NELL1: variants seen among roughly 807,000 people sequenced by gnomAD.
The protein encoded by NELL1 is neural EGFL like 1.
Under a neutral mutation model 107.4 loss-of-function variants are expected in NELL1, and 76 were observed. The observed-to-expected ratio is 0.71, with a 90% CI of 0.59 to 0.86. The LOEUF is 0.86. NELL1 is among the 40% of genes least tolerant of loss of function. The probability of loss-of-function intolerance (pLI) is 0.00; values close to 1 mark genes in which losing one functional copy is unlikely to be tolerated. For synonymous variants in NELL1, 353 were observed against 341.2 expected, an observed-to-expected ratio of 1.03 and a Z score of -0.38; for missense variants, 1,024 against 1,005.5, an observed-to-expected ratio of 1.02 and a Z score of -0.25.
At chr11:20,908,816 C>T (rs1418036794) in intron 5 of NELL1, among the ~76,000 whole-genome samples, 3 of 152,168 alleles carry the variant, frequency 2.0e-5, no homozygotes, top group African/African-American at 7.2e-5. Flanking sequence ...TCCAGCAATT[C>T]CTCTCCTAGG....
At chr11:20,825,127 G>A (rs940082892) in intron 3 of NELL1, among the ~76,000 whole-genome samples, 5 of 151,410 alleles carry the variant, frequency 3.3e-5, no homozygotes, top group Non-Finnish European at 5.9e-5. Flanking sequence ...AAAAATTGAT[G>A]TTTGGGAACC....
At chr11:21,453,960 G>A (rs1175602108) in intron 15 of NELL1, among the ~76,000 whole-genome samples, 1 of 149,222 alleles carries the variant, frequency 6.7e-6, no homozygotes, top group Non-Finnish European at 1.5e-5. Flanking sequence ...TAAGTTTTAG[G>A]GTACATGTGC....
At chr11:21,179,033 C>T (rs1021938330) in intron 13 of NELL1, among the ~76,000 whole-genome samples, 5 of 151,752 alleles carry the variant, frequency 3.3e-5, no homozygotes, top group East Asian at 3.9e-4. Flanking sequence ...AAAACTTTTT[C>T]GAATGACCTC....
At chr11:20,871,782 G>T (rs552260414) in intron 4 of NELL1, among the ~76,000 whole-genome samples, 1 of 151,914 alleles carries the variant, frequency 6.6e-6, no homozygotes, top group Non-Finnish European at 1.5e-5. Flanking sequence ...CACTTTGGGA[G>T]GCCGAGGCGG....
At chr11:21,211,964 T>G (rs1442191414) in intron 13 of NELL1, among the ~76,000 whole-genome samples, 1 of 152,078 alleles carries the variant, frequency 6.6e-6, no homozygotes, top group Non-Finnish European at 1.5e-5. Flanking sequence ...TAGCTGAGAT[T>G]ACAAGAGTAT....
At chr11:21,555,615 T>A (rs1426365582) in intron 16 of NELL1, among the ~76,000 whole-genome samples, 6 of 151,804 alleles carry the variant, frequency 4.0e-5, no homozygotes, top group Admixed American at 2.0e-4. Flanking sequence ...TAGGAAAGGG[T>A]TTCTTCCTGA....
At chr11:20,938,938 C>CTGTG (rs1377917124) in intron 10 of NELL1, among the ~76,000 whole-genome samples, 32 of 43,802 alleles carry the variant, frequency 7.3e-4, no homozygotes, top group East Asian at 4.5e-3. Context: ...CTCTCTCTCT[C>CTGTG]TCTGTGTGTG....
intron 14 of NELL1, among the ~76,000 whole-genome samples, chr11:21,315,155 C>G (rs1165006305): frequency 6.6e-6 from 1 of 152,182 alleles, no homozygotes; most frequent in Non-Finnish European, 1.5e-5. Flanking sequence ...CCATGCCTGG[C>G]TGAGAGCTCT....
chr11:20,712,291 T>C (rs1855133176), intron 2 of NELL1, among the ~76,000 whole-genome samples: 1 of 149,438 alleles, frequency 6.7e-6, no homozygotes, highest in Admixed American at 6.6e-5. Flanking sequence ...GTGTCTTTCA[T>C]TTCCAGAAAT....
intron 2 of NELL1, among the ~76,000 whole-genome samples, chr11:20,749,638 A>G (rs1856088967): frequency 6.6e-6 from 1 of 152,052 alleles, no homozygotes; most frequent in Non-Finnish European, 1.5e-5. Flanking sequence ...ATTAAGGTGT[A>G]ATTAGCATAC....
intron 13 of NELL1, among the ~76,000 whole-genome samples, chr11:21,170,653 G>GTA (rs200742332): frequency 2.0e-5 from 3 of 146,610 alleles, no homozygotes; most frequent in Admixed American, 6.8e-5. Context: ...TGTCTTTCCA[G>GTA]TATATATATA....
chr11:21,462,547 A>G (rs748412117), intron 15 of NELL1, among the ~76,000 whole-genome samples: 1 of 152,110 alleles, frequency 6.6e-6, no homozygotes, highest in Admixed American at 6.6e-5. Context: ...ATTTTATTAA[A>G]CAGAGGAAAC....
chr11:21,037,119 T>C (rs140287477), intron 12 of NELL1, among the ~76,000 whole-genome samples: 2 of 152,262 alleles, frequency 1.3e-5, no homozygotes, highest in Non-Finnish European at 2.9e-5. Flanking sequence ...TCCACGGTGA[T>C]GAAAATGTTT....
chr11:21,382,252 G>A (rs1851632508), intron 15 of NELL1, among the ~76,000 whole-genome samples: 1 of 151,850 alleles, frequency 6.6e-6, no homozygotes, highest in Non-Finnish European at 1.5e-5. Context: ...CCAAATATGT[G>A]GAAGGTGACT....
intron 15 of NELL1, among the ~76,000 whole-genome samples, chr11:21,530,954 C>T (rs1226875720): frequency 6.6e-6 from 1 of 152,098 alleles, no homozygotes; most frequent in African/African-American, 2.4e-5. Flanking sequence ...GGTACTCCCA[C>T]TTCCAGGTAT....
chr11:21,182,430 G>A (rs554983767), intron 13 of NELL1, among the ~76,000 whole-genome samples: 9 of 133,970 alleles, frequency 6.7e-5, no homozygotes, highest in Non-Finnish European at 1.4e-4. Context: ...GTGAGACTCC[G>A]TCTCAAAAAG....
chr11:21,539,956 C>T (rs893311374), intron 16 of NELL1, among the ~76,000 whole-genome samples: 19 of 151,962 alleles, frequency 1.3e-4, no homozygotes, highest in African/African-American at 2.7e-4. Context: ...ATGCCTGTGA[C>T]GGGACATCAC....
intron 14 of NELL1, among the ~76,000 whole-genome samples, chr11:21,258,152 T>C (rs113039654): frequency 7.2e-5 from 11 of 152,052 alleles, no homozygotes; most frequent in Non-Finnish European, 1.0e-4. Flanking sequence ...CTTGCTGTTA[T>C]CTGAGAGTGA....
At chr11:21,407,163 C>T (rs924205906) in intron 15 of NELL1, among the ~76,000 whole-genome samples, 4 of 152,032 alleles carry the variant, frequency 2.6e-5, no homozygotes, top group Non-Finnish European at 5.9e-5. Flanking sequence ...TACCTGTAAT[C>T]CCAGCACTTT....
Sources: gnomAD v4.1 joint callset for allele counts (sites outside exome capture counted in the v4.1 genomes callset) on GRCh38, gnomAD v4.1.1 for gene constraint, MANE v1.5 for transcripts, NCBI Gene and HGNC (gene_info 2026-07-23, HGNC 2026-07-21) for gene names.